SMARCA1: variants seen among roughly 807,000 people sequenced by gnomAD.
SMARCA1 encodes SNF2 related chromatin remodeling ATPase 1, also known as SWI/SNF-related matrix-associated actin-dependent regulator of chromatin subfamily A member 1.
In SMARCA1, 17 loss-of-function variants were observed where a neutral mutation model predicts 93.6. That is an observed-to-expected ratio of 0.18 (90% confidence interval 0.12 to 0.27). The LOEUF is 0.27. SMARCA1 is among the 10% of genes least tolerant of loss of function. The probability of loss-of-function intolerance (pLI) is 1.00; values close to 1 mark genes in which losing one functional copy is unlikely to be tolerated. For missense variants in SMARCA1, 630 were observed against 819.0 expected, an observed-to-expected ratio of 0.77 and a Z score of 2.82; for synonymous variants, 271 against 271.4, an observed-to-expected ratio of 1.00 and a Z score of 0.01.
intron 2 of SMARCA1, 109 bp from the exon 3 acceptor site, chrX:129,516,606 A>G (rs1935209866): frequency 1.6e-6 from 1 of 628,367 alleles, no homozygotes; most frequent in South Asian, 3.1e-5. Flanking sequence ...ACATTAATCC[A>G]TTCAATTCTC....
rs770623410 is a variant in SMARCA1, at chrX:129,515,939, G to T, written c.484C>A (p.Arg162=). 53 of 1,208,275 alleles carry T rather than the reference G, an allele frequency of 4.4e-5. No individual in the cohort carries two copies. The highest frequency in any genetic ancestry group is 5.1e-5 in the Non-Finnish European group (46 of 893,233). The change falls in exon 4 of 25, where the codon CGG becomes AGG. Residue 162 remains arginine, a synonymous_variant. Transcript: ENST00000371121. ...CTAATACACACATTAGATGTTTTCC[G>T]ACTCTCAGACAGTAGCTCTTCATCT... ...EEDEELLSES[R]KTSNVCIRFE...
chrX:129,472,360 A>G (rs943573758), intron 19 of SMARCA1, among the ~76,000 whole-genome samples: 1 of 110,680 alleles, frequency 9.0e-6, no homozygotes, highest in African/African-American at 3.3e-5. Flanking sequence ...TGCACACATG[A>G]CTCATTCCCT....
At chrX:129,472,786 T>G (rs1933195236) in intron 19 of SMARCA1, among the ~76,000 whole-genome samples, 1 of 112,249 alleles carries the variant, frequency 8.9e-6, no homozygotes, top group South Asian at 3.7e-4. Flanking sequence ...CATTTCTAAC[T>G]TGAGAATCCG....
chrX:129,481,031 G>C (rs1433024779), intron 18 of SMARCA1, 44 bp downstream of exon 18: 2 of 841,577 alleles, frequency 2.4e-6, no homozygotes, highest in South Asian at 4.5e-5. Flanking sequence ...TGTTGCAACA[G>C]AAATCTACTT....
chrX:129,523,027 G>C (rs1256873557), intron 1 of SMARCA1, among the ~76,000 whole-genome samples, 170 bp downstream of exon 1: 1 of 111,674 alleles, frequency 9.0e-6, no homozygotes, highest in Admixed American at 9.3e-5. Flanking sequence ...AGAAGGAAAG[G>C]GGGAGGGGAG....
chrX:129,450,214 T>C (rs1014868999), intron 23 of SMARCA1, among the ~76,000 whole-genome samples: 1 of 111,733 alleles, frequency 8.9e-6, no homozygotes, highest in African/African-American at 3.3e-5. Flanking sequence ...ACTGGTGTCC[T>C]TGTAAGAAGT....
intron 3 of SMARCA1, 97 bp downstream of exon 3, chrX:129,516,227 CTGAACAA>C: frequency 1.3e-6 from 1 of 766,555 alleles, no homozygotes; most frequent in South Asian, 2.7e-5. Context: ...TGAAGGTATA[CTGAACAA>C]TGAAGAGCGA....
intron 21 of SMARCA1, among the ~76,000 whole-genome samples, chrX:129,467,655 G>GAA (rs199928479): frequency 1.9e-5 from 2 of 108,003 alleles, no homozygotes; most frequent in East Asian, 2.9e-4. Flanking sequence ...ATTTCCAGAA[G>GAA]AAAAAAAAAT....
chrX:129,517,573 C>T (rs1422269898), intron 2 of SMARCA1, among the ~76,000 whole-genome samples: 1 of 110,710 alleles, frequency 9.0e-6, no homozygotes, highest in Non-Finnish European at 1.9e-5. Context: ...ACATTGCCTA[C>T]CTACATTAGA....
rs763465671 is a variant in SMARCA1, at chrX:129,484,934, T to C, written c.2217+2084A>G. ...AGAGGGAAAAATGGCAGACAATGTA[T>C]TGGAAAGCCTGGATTACCAGGCAGA... On this transcript the variant is annotated intron_variant, in intron 17 of 24. Coordinates refer to ENST00000371121, the MANE Select transcript of SMARCA1 (RefSeq NM_001282874.2). Among the ~76,000 whole-genome samples the C allele has an allele frequency of 7.1e-5, 8 of 112,089 alleles. No individual in the cohort carries two copies. In the South Asian group the frequency reaches 2.2e-3, roughly 31 times the overall value.
At chrX:129,488,612 A>T (rs998642664) in intron 16 of SMARCA1, among the ~76,000 whole-genome samples, 2 of 28,785 alleles carry the variant, frequency 6.9e-5, no homozygotes, top group Non-Finnish European at 1.2e-4. Flanking sequence ...TGTCTCTTTA[A>T]AAAAAAAAAA....
intron 6 of SMARCA1, among the ~76,000 whole-genome samples, chrX:129,510,286 C>T (rs1172207775): frequency 1.8e-5 from 2 of 112,555 alleles, no homozygotes; most frequent in African/African-American, 6.5e-5. Flanking sequence ...TTTGCTATTC[C>T]ATTCTCTCTC....
rs749525456 is a variant in SMARCA1, at chrX:129,521,838, G to C, written c.174+1359C>G. On this transcript the variant is annotated intron_variant, in intron 1 of 24. Transcript: ENST00000371121. ...GTATGTTTTCTACGGTTTTCATTTA[G>C]CACTACAATTGTCCTTCTGTTTAGT... Among the ~76,000 whole-genome samples the C allele has an allele frequency of 8.2e-4, 92 of 112,413 alleles. No homozygotes were observed. The South Asian group carries it at 0.021, about 25-fold the overall frequency.
At chrX:129,513,242 C>T (rs1425918899) in intron 5 of SMARCA1, among the ~76,000 whole-genome samples, 6 of 110,479 alleles carry the variant, frequency 5.4e-5, no homozygotes, top group African/African-American at 1.3e-4. Flanking sequence ...TATCTGGTAT[C>T]GGCTGGGTGC....
chrX:129,492,878 A>G (rs1041255374), intron 13 of SMARCA1, among the ~76,000 whole-genome samples, 162 bp downstream of exon 13: 1 of 111,390 alleles, frequency 9.0e-6, no homozygotes, highest in African/African-American at 3.3e-5. Context: ...AAAACAACAT[A>G]ATAACATTTT....
intron 19 of SMARCA1, among the ~76,000 whole-genome samples, chrX:129,478,531 C>G (rs909040418): frequency 1.8e-5 from 2 of 111,002 alleles, no homozygotes; most frequent in African/African-American, 6.6e-5. Flanking sequence ...CCCTTAACAG[C>G]TGTCCCTTCA....
At chrX:129,471,532 T>A (rs960957108) in intron 19 of SMARCA1, among the ~76,000 whole-genome samples, 2 of 112,361 alleles carry the variant, frequency 1.8e-5, no homozygotes, top group Non-Finnish European at 3.8e-5. Flanking sequence ...ATTCCATAGT[T>A]AAAACTCACT....
In SMARCA1 at chrX:129,508,057, C is replaced by A; in HGVS notation, c.850G>T (p.Asp284Tyr). The change falls in exon 7 of 25, where the codon GAT becomes TAT. Residue 284 changes from aspartate to tyrosine, a missense_variant. Physicochemically the swap from Asp to Tyr is radical, Grantham distance 160. Transcript: ENST00000371121. ...ATCTCATAAGAAGTAACGCAAACATCCCACTCTCCTGGCATCATTTCATCA... is the reference window on the plus strand; with the variant it reads ...ATCTCATAAGAAGTAACGCAAACATACCACTCTCCTGGCATCATTTCATCA... Reference protein sequence around the residue: ...IRDEMMPGEWDVCVTSYEMVI... With the variant: ...IRDEMMPGEWYVCVTSYEMVI... 8.4e-7 allele frequency: 1 copy of A among 1,186,581 alleles called. No homozygotes were observed. The highest frequency in any genetic ancestry group is 1.1e-6 in the Non-Finnish European group (1 of 879,653).
intron 23 of SMARCA1, among the ~76,000 whole-genome samples, chrX:129,455,257 C>T (rs1932553851): frequency 9.0e-6 from 1 of 111,632 alleles, no homozygotes; most frequent in African/African-American, 3.3e-5. Flanking sequence ...CATATACCCC[C>T]ATGGAATACT....
Sources: gnomAD v4.1 joint callset for allele counts (sites outside exome capture counted in the v4.1 genomes callset) on GRCh38, gnomAD v4.1.1 for gene constraint, MANE v1.5 for transcripts, NCBI Gene and HGNC (gene_info 2026-07-23, HGNC 2026-07-21) for gene names.